NR1I2: variants seen among roughly 807,000 people sequenced by gnomAD.
NR1I2 encodes the protein orphan nuclear receptor PAR1.
In NR1I2, 42 loss-of-function variants were observed where a neutral mutation model predicts 43.3. The ratio of observed to expected loss-of-function variants is 0.97; its 90% CI spans 0.76 to 1.26. The LOEUF is 1.26. Among genes scored for constraint, NR1I2 ranks in the 50% most tolerant of loss-of-function variants. The probability of loss-of-function intolerance (pLI) is 0.00; values close to 1 mark genes in which losing one functional copy is unlikely to be tolerated. For missense variants in NR1I2, 559 were observed against 566.7 expected (o/e 0.99, Z 0.14); for synonymous variants, 229 against 215.0 (o/e 1.06, Z -0.57).
At chr3:119,791,297 T>TGG (rs1485322433) in intron 1 of NR1I2, among the ~76,000 whole-genome samples, 2 of 152,138 alleles carry the variant, frequency 1.3e-5, no homozygotes, top group Non-Finnish European at 2.9e-5. Context: ...AGAGCAGGTT[T>TGG]GGGGTGGGCT....
Position 119,817,674 on chromosome 3 carries a change from A to G in NR1I2, c.*462A>G. 1 of 1,103,390 alleles carries G rather than the reference A, an allele frequency of 9.1e-7. No individual in the cohort carries two copies. Among genetic ancestry groups the G allele is most frequent in the Non-Finnish European group, 1.1e-6 (1 of 897,954 alleles). 68.3% of individuals were successfully genotyped at this position (1,103,390 alleles called of 1,614,324 possible). On this transcript the variant is annotated 3_prime_UTR_variant, in exon 9 of 9. Coordinates refer to ENST00000393716, the MANE Select transcript of NR1I2 (RefSeq NM_003889.4). ...CTAATAGTCCTGTCTCCCACTTCCC[A>G]CTCGTTCCCCTCCTCTTCCGAGCTG...
chr3:119,815,900 A>G, intron 8 of NR1I2, 69 bp downstream of exon 8: 3 of 1,325,082 alleles, frequency 2.3e-6, no homozygotes, highest in Non-Finnish European at 3.2e-6. Context: ...GAAATTGCCC[A>G]AGACTTCATG....
intron 1 of NR1I2, among the ~76,000 whole-genome samples, chr3:119,792,891 C>CA (rs769890802): frequency 2.1e-4 from 32 of 150,276 alleles, no homozygotes; most frequent in East Asian, 7.8e-4. Flanking sequence ...AAAAAACAAA[C>CA]AAAAAAAAAG....
chr3:119,798,657 AAAAG>A (rs947150819), intron 1 of NR1I2, among the ~76,000 whole-genome samples: 6 of 148,286 alleles, frequency 4.0e-5, no homozygotes, highest in Admixed American at 2.0e-4. Flanking sequence ...AAAAAAAAGA[AAAAG>A]AAAGAAAGAA....
chr3:119,801,967 G>A (rs2055087662), intron 1 of NR1I2, among the ~76,000 whole-genome samples: 1 of 152,172 alleles, frequency 6.6e-6, no homozygotes. Flanking sequence ...GTTGCATGGT[G>A]GCTTAGGGCT....
At chr3:119,807,869 T>A (rs757816079) in intron 2 of NR1I2, among the ~76,000 whole-genome samples, 7 of 152,118 alleles carry the variant, frequency 4.6e-5, no homozygotes, top group Non-Finnish European at 7.4e-5. Flanking sequence ...GAAAGCCATG[T>A]GTGAGGAAGC....
chr3:119,791,955 C>T (rs1437966583), intron 1 of NR1I2: 4 of 682,458 alleles, frequency 5.9e-6, no homozygotes, highest in African/African-American at 5.2e-5. Flanking sequence ...CTGTGGAGTA[C>T]AGGACATTGT....
rs568563581 is a variant in NR1I2, at chr3:119,808,031, G to A, written c.197+584G>A. Reference sequence around the variant, plus strand: ...GGTGGCTGGGCATTCAAATGGAAAAGGGCAGGTTCCAGGGAGAAATGAACA... The same window carrying A: ...GGTGGCTGGGCATTCAAATGGAAAAAGGCAGGTTCCAGGGAGAAATGAACA... On this transcript the variant is annotated intron_variant, in intron 2 of 8. Coordinates refer to ENST00000393716, the MANE Select transcript of NR1I2 (RefSeq NM_003889.4). Among the ~76,000 whole-genome samples the A allele has an allele frequency of 2.0e-5, 3 of 152,324 alleles. No homozygotes were observed. In the East Asian group the frequency reaches 5.8e-4, roughly 29 times the overall value.
intron 1 of NR1I2, among the ~76,000 whole-genome samples, chr3:119,792,924 G>A (rs1444280834): frequency 6.6e-6 from 1 of 152,056 alleles, no homozygotes; most frequent in Non-Finnish European, 1.5e-5. Flanking sequence ...CAATGTTGGA[G>A]GTAGGCCTAG....
At chr3:119,794,794 C>A (rs1432388520) in intron 1 of NR1I2, among the ~76,000 whole-genome samples, 3 of 152,170 alleles carry the variant, frequency 2.0e-5, no homozygotes, top group African/African-American at 7.2e-5. Flanking sequence ...CAAAATTAAT[C>A]TGGTGTAGTG....
intron 1 of NR1I2, among the ~76,000 whole-genome samples, chr3:119,785,341 C>T (rs2054830232): frequency 6.6e-6 from 1 of 152,170 alleles, no homozygotes; most frequent in African/African-American, 2.4e-5. Context: ...TTTGCTTTTG[C>T]CAGGAACCTG....
intron 1 of NR1I2, among the ~76,000 whole-genome samples, chr3:119,806,594 A>C (rs1188438077): frequency 6.6e-6 from 1 of 152,132 alleles, no homozygotes; most frequent in African/African-American, 2.4e-5. Flanking sequence ...CTACAGCTCT[A>C]TTAATAGGCA....
chr3:119,799,830 A>ATTAGCTGGGCGTGGTGGCAGGCAC (rs1296910955), intron 1 of NR1I2, among the ~76,000 whole-genome samples: 4 of 152,084 alleles, frequency 2.6e-5, no homozygotes, highest in Admixed American at 2.0e-4. Flanking sequence ...AAATACAAAA[A>ATTAGCTGGGCGTGGTGGCAGGCAC]TTAGCTGGGC....
chr3:119,787,328 C>T (rs1259399536), intron 1 of NR1I2, among the ~76,000 whole-genome samples: 1 of 151,490 alleles, frequency 6.6e-6, no homozygotes, highest in Non-Finnish European at 1.5e-5. Flanking sequence ...ACTTCATGAA[C>T]TGGAACACAC....
intron 4 of NR1I2, among the ~76,000 whole-genome samples, 162 bp from the exon 5 acceptor site, chr3:119,812,524 T>C (rs1334565845): frequency 1.3e-5 from 2 of 152,242 alleles, no homozygotes; most frequent in African/African-American, 2.4e-5. Context: ...TGTGTGTATA[T>C]GTGTGAGGAC....
intron 1 of NR1I2, among the ~76,000 whole-genome samples, chr3:119,796,224 G>A (rs569076457): frequency 3.3e-5 from 5 of 152,260 alleles, no homozygotes; most frequent in South Asian, 2.1e-4. Flanking sequence ...CAAGTGTACC[G>A]CACTTCACGG....
At position 119,805,715 on chromosome 3, in the gene NR1I2, A is replaced by G. The variant is rs9843562; in HGVS notation, c.-22-1514A>G. Among the ~76,000 whole-genome samples, 6 of 86,056 alleles carry G rather than the reference A, an allele frequency of 7.0e-5. No individual in the cohort carries two copies. In the East Asian group the frequency reaches 1.4e-3, roughly 21 times the overall value. 56.5% of individuals were successfully genotyped at this position (86,056 alleles called of 152,430 possible). On this transcript the variant is annotated intron_variant, in intron 1 of 8. Transcript: ENST00000393716. ...AAGACTTGGTCCCCCCCTCCCCCCC[A>G]CCAAAAAAAAAAGAAAAGAAAAGAA...
At chr3:119,787,716 G>A (rs1435834720) in intron 1 of NR1I2, among the ~76,000 whole-genome samples, 1 of 104,826 alleles carries the variant, frequency 9.5e-6, no homozygotes. Context: ...TGGTGTGTAT[G>A]TGTATCTTGG....
At chr3:119,803,509 AC>A (rs1005605219) in intron 1 of NR1I2, among the ~76,000 whole-genome samples, 5 of 152,070 alleles carry the variant, frequency 3.3e-5, no homozygotes, top group African/African-American at 4.8e-5. Context: ...TTAATCTTGG[AC>A]TTCTCAGCCT....
Sources: gnomAD v4.1 joint callset for allele counts (sites outside exome capture counted in the v4.1 genomes callset) on GRCh38, gnomAD v4.1.1 for gene constraint, MANE v1.5 for transcripts, NCBI Gene and HGNC (gene_info 2026-07-23, HGNC 2026-07-21) for gene names.